Variants in DPP4 observed in about 807,000 individuals in gnomAD.
The protein encoded by DPP4 is ADCP-2.
Under a neutral mutation model 122.4 loss-of-function variants are expected in DPP4, and 93 were observed. The ratio of observed to expected loss-of-function variants is 0.76; its 90% confidence interval spans 0.64 to 0.90. The LOEUF is 0.90. Ranked by LOEUF, DPP4 falls within the 40% of genes least tolerant of loss-of-function variation. The probability of loss-of-function intolerance (pLI) is 0.00; values close to 1 mark genes in which losing one functional copy is unlikely to be tolerated. For missense variants in DPP4, 914 were observed against 907.3 expected (o/e 1.01, Z -0.09); for synonymous variants, 321 against 302.9 (o/e 1.06, Z -0.62).
intron 23 of DPP4, among the ~76,000 whole-genome samples, chr2:162,000,515 T>G (rs1576031689): frequency 6.6e-6 from 1 of 152,114 alleles, no homozygotes; most frequent in South Asian, 2.1e-4. Context: ...AATCTGAAGG[T>G]CTCTCTCCCT....
chr2:162,017,093 A>G lies in DPP4; in HGVS notation c.1468+15T>C. On this transcript the variant is annotated intron_variant, in intron 17 of 25. Coordinates refer to ENST00000360534, the MANE Select transcript of DPP4 (RefSeq NM_001935.4). ...TTTCTTAGAAACAAATGAAGAGTAAAATATGAGAAAATACCTTTATCATTC... is the reference window on the plus strand; with the variant it reads ...TTTCTTAGAAACAAATGAAGAGTAAGATATGAGAAAATACCTTTATCATTC... 1 of 1,609,626 alleles carries G rather than the reference A, an allele frequency of 6.2e-7. No homozygotes were observed.
chr2:162,057,512 CCTT>C (rs1684617825), intron 2 of DPP4, among the ~76,000 whole-genome samples: 1 of 152,184 alleles, frequency 6.6e-6, no homozygotes, highest in Non-Finnish European at 1.5e-5. Context: ...CTCCTTTCCT[CCTT>C]CTTGCTGACA....
chr2:162,065,636 C>T (rs544153881), intron 2 of DPP4, among the ~76,000 whole-genome samples: 3 of 152,258 alleles, frequency 2.0e-5, no homozygotes, highest in East Asian at 1.9e-4. Context: ...AGGATGGACA[C>T]GGAGGTGCAC....
At chr2:162,016,571 T>G (rs908669497) in intron 18 of DPP4, among the ~76,000 whole-genome samples, 197 bp downstream of exon 18, 1 of 152,230 alleles carries the variant, frequency 6.6e-6, no homozygotes, top group South Asian at 2.1e-4. Flanking sequence ...AGAATAAGTT[T>G]TATGTAGAAT....
chr2:162,024,519 C>T (rs1683248235), intron 11 of DPP4, among the ~76,000 whole-genome samples: 1 of 152,160 alleles, frequency 6.6e-6, no homozygotes, highest in African/African-American at 2.4e-5. Context: ...AAAATATTTA[C>T]ATCAGATTCT....
At chr2:162,039,655 T>C (rs955644480) in intron 5 of DPP4, among the ~76,000 whole-genome samples, 6 of 152,058 alleles carry the variant, frequency 3.9e-5, no homozygotes, top group African/African-American at 1.4e-4. Flanking sequence ...TGGCAAGATA[T>C]ATTAAAATTA....
At chr2:162,039,265 T>C (rs1465541946) in intron 5 of DPP4, 81 bp from the exon 6 acceptor site, 2 of 1,106,352 alleles carry the variant, frequency 1.8e-6, no homozygotes, top group African/African-American at 1.6e-5. Context: ...AGATGATAGG[T>C]TTGGTAATAT....
intron 10 of DPP4, among the ~76,000 whole-genome samples, chr2:162,031,695 C>A (rs1034536198): frequency 6.6e-6 from 1 of 152,142 alleles, no homozygotes; most frequent in Non-Finnish European, 1.5e-5. Context: ...GTCGTGAAAA[C>A]CCCATGTTCT....
intron 19 of DPP4, among the ~76,000 whole-genome samples, chr2:162,012,320 A>G (rs1007001161): frequency 1.3e-5 from 2 of 152,062 alleles, no homozygotes; most frequent in East Asian, 3.9e-4. Context: ...TGTGGTATAA[A>G]AAAAATGATG....
Position 162,012,000 on chromosome 2 carries a change from C to A in DPP4, c.1638-13G>T. The A allele has an allele frequency of 3.1e-6, 5 of 1,605,352 alleles. No individual in the cohort carries two copies. Among genetic ancestry groups the A allele is most frequent in the Non-Finnish European group, 4.3e-6 (5 of 1,174,890 alleles). ...TGGGCCTGCATACCTATGAAAAATA[C>A]CAAATTGTTAGCTTTCATGGTTTTC... On this transcript the variant is annotated splice_polypyrimidine_tract_variant and intron_variant, in intron 19 of 25. Transcript: ENST00000360534.
At position 162,020,552 on chromosome 2, in the gene DPP4, C is replaced by T. The variant is rs752840411; in HGVS notation, c.1176+29G>A. The T allele has an allele frequency of 4.0e-6, 6 of 1,503,214 alleles. No homozygotes were observed. The Admixed American group carries it at 6.5e-5, about 16-fold the overall frequency. The allele number at this position is 1,503,214 out of a possible 1,614,324, so 93.1% of individuals were successfully genotyped here. The stretch of plus-strand genomic sequence containing the variant: ...TTTCCAAAAAAAAAAAAGAGGTCAA[C>T]ATGAAATAAAATATGTAAGAATACT... On this transcript the variant is annotated intron_variant, in intron 13 of 25. Coordinates refer to ENST00000360534, the MANE Select transcript of DPP4 (RefSeq NM_001935.4).
At chr2:161,993,450 T>TAA in intron 25 of DPP4, 66 bp from the exon 26 acceptor site, 1 of 1,087,014 alleles carries the variant, frequency 9.2e-7, no homozygotes, top group Non-Finnish European at 1.4e-6. Context: ...AAAAAATACG[T>TAA]AAATTCAAAT....
At chr2:161,993,500 TA>T in intron 25 of DPP4, 116 bp from the exon 26 acceptor site, 2 of 699,010 alleles carry the variant, frequency 2.9e-6, no homozygotes, top group Non-Finnish European at 4.7e-6. Flanking sequence ...CAGAGTGTTT[TA>T]ATTCCTGAGG....
intron 23 of DPP4, among the ~76,000 whole-genome samples, chr2:161,999,925 G>A (rs913600866): frequency 6.6e-6 from 1 of 152,126 alleles, no homozygotes; most frequent in African/African-American, 2.4e-5. Context: ...CCATTATCCA[G>A]ATGAGGAAAC....
intron 11 of DPP4, 150 bp from the exon 12 acceptor site, chr2:162,022,949 A>G (rs183974663): frequency 4.9e-6 from 4 of 819,960 alleles, no homozygotes; most frequent in Non-Finnish European, 7.9e-6. Context: ...GTATTTTTCA[A>G]GTCATTACAT....
intron 11 of DPP4, among the ~76,000 whole-genome samples, chr2:162,023,849 A>G (rs531237386): frequency 6.6e-6 from 1 of 152,224 alleles, no homozygotes; most frequent in South Asian, 2.1e-4. Context: ...CTTGTATACC[A>G]TAAGTGGCAG....
intron 12 of DPP4, among the ~76,000 whole-genome samples, chr2:162,022,124 C>T (rs1683154686): frequency 6.6e-6 from 1 of 152,158 alleles, no homozygotes; most frequent in Admixed American, 6.5e-5. Context: ...GTTCCTTCAT[C>T]AACTCATTAC....
chr2:162,032,458 C>T (rs1303841361), intron 10 of DPP4, among the ~76,000 whole-genome samples: 1 of 152,046 alleles, frequency 6.6e-6, no homozygotes, highest in Non-Finnish European at 1.5e-5. Flanking sequence ...GAGGCCAAGG[C>T]GGGCAGATCA....
intron 2 of DPP4, among the ~76,000 whole-genome samples, chr2:162,054,035 T>G (rs1576068078): frequency 5.4e-5 from 8 of 148,674 alleles, no homozygotes; most frequent in African/African-American, 1.2e-4. Flanking sequence ...ACTGGGGGGG[T>G]GGGGGTGGTC....
Sources: allele counts gnomAD v4.1 joint callset (sites outside exome capture counted in the v4.1 genomes callset), GRCh38; gene constraint gnomAD v4.1.1; transcripts MANE v1.5; gene names NCBI Gene and HGNC (gene_info 2026-07-23, HGNC 2026-07-21).